The following RIMS1 variants were observed in gnomAD, a reference collection of about 807,000 sequenced individuals.
The protein encoded by RIMS1 is regulating synaptic membrane exocytosis protein 1.
A neutral mutation model predicts 214.1 loss-of-function variants in RIMS1; 83 were observed. The ratio of observed to expected loss-of-function variants is 0.39; its 90% CI spans 0.32 to 0.47. RIMS1 has a LOEUF of 0.47. Ranked by LOEUF, RIMS1 falls within the 20% of genes least tolerant of loss-of-function variation. The probability of loss-of-function intolerance (pLI) is 0.99; values close to 1 mark genes in which losing one functional copy is unlikely to be tolerated. For synonymous variants in RIMS1, 793 were observed against 786.8 expected, an observed-to-expected ratio of 1.01 and a Z score of -0.13; for missense variants, 2,050 against 2,161.8, an observed-to-expected ratio of 0.95 and a Z score of 1.03.
chr6:71,904,439 C>T (rs1319723206), intron 1 of RIMS1, among the ~76,000 whole-genome samples: 1 of 152,128 alleles, frequency 6.6e-6, no homozygotes. Context: ...TGACCAGTCA[C>T]TGGATTTAGG....
intron 27 of RIMS1, among the ~76,000 whole-genome samples, chr6:72,308,498 A>C (rs934954536): frequency 6.6e-6 from 1 of 152,182 alleles, no homozygotes; most frequent in Non-Finnish European, 1.5e-5. Flanking sequence ...ATTAGCTTGA[A>C]ATATGGACCT....
intron 2 of RIMS1, among the ~76,000 whole-genome samples, chr6:72,059,146 A>G (rs1156861073): frequency 1.3e-5 from 2 of 152,226 alleles, no homozygotes; most frequent in Non-Finnish European, 1.5e-5. Flanking sequence ...TAACAATGAC[A>G]TGGTTCTATC....
chr6:72,251,167 T>A (rs778942740), intron 14 of RIMS1, 48 bp from the exon 15 acceptor site: 28 of 1,561,992 alleles, frequency 1.8e-5, no homozygotes, highest in Non-Finnish European at 2.4e-5. Flanking sequence ...ACTATTACAT[T>A]ATGTTTTGAT....
At chr6:72,005,848 G>A (rs1441996235) in intron 2 of RIMS1, among the ~76,000 whole-genome samples, 1 of 152,218 alleles carries the variant, frequency 6.6e-6, no homozygotes, top group Non-Finnish European at 1.5e-5. Context: ...CCAAGTAAAT[G>A]AGATATTTAC....
chr6:71,989,971 C>T (rs1247401721), intron 2 of RIMS1, among the ~76,000 whole-genome samples: 1 of 152,156 alleles, frequency 6.6e-6, no homozygotes, highest in African/African-American at 2.4e-5. Flanking sequence ...ACACCCACGT[C>T]CCAGCTTCTC....
At chr6:72,382,263 G>T (rs2098503427) in intron 29 of RIMS1, among the ~76,000 whole-genome samples, 1 of 152,072 alleles carries the variant, frequency 6.6e-6, no homozygotes, top group South Asian at 2.1e-4. Context: ...GTACTTATCT[G>T]GCTTAGGATA....
At chr6:72,008,794 T>C (rs1043913193) in intron 2 of RIMS1, among the ~76,000 whole-genome samples, 17 of 152,180 alleles carry the variant, frequency 1.1e-4, no homozygotes, top group Admixed American at 2.6e-4. Flanking sequence ...TATATATGCA[T>C]GCAATACAGG....
chr6:72,401,277 T>G lies in RIMS1; in HGVS notation c.*563T>G, dbSNP rs1203061394. On this transcript the variant is annotated 3_prime_UTR_variant, in exon 34 of 34. Coordinates refer to ENST00000521978, the MANE Select transcript of RIMS1 (RefSeq NM_014989.7). ...CATGATGCTAACAGAGATTCTTCCC[T>G]TCTTTTTTCCAAAAGCACCAAAAAA... 6.5e-6 allele frequency: 1 copy of G among 152,856 alleles called. No individual in the cohort carries two copies. Among genetic ancestry groups the G allele is most frequent in the African/African-American group, 2.4e-5 (1 of 41,440 alleles). 9.5% of individuals were successfully genotyped at this position (152,856 alleles called of 1,614,324 possible). A position where few individuals can be genotyped will look rare whatever the true frequency, so the allele number is the denominator to read the frequency against.
At chr6:72,197,351 C>T (rs771784084) in intron 6 of RIMS1, among the ~76,000 whole-genome samples, 50 of 151,966 alleles carry the variant, frequency 3.3e-4, no homozygotes, top group Non-Finnish European at 5.9e-4. Flanking sequence ...CCACGATAAA[C>T]CAAGACACAT....
At chr6:72,356,176 A>G (rs927323029) in intron 29 of RIMS1, among the ~76,000 whole-genome samples, 2 of 152,210 alleles carry the variant, frequency 1.3e-5, no homozygotes, top group African/African-American at 2.4e-5. Context: ...TCTTTAGAAC[A>G]TAATTATTTC....
intron 2 of RIMS1, among the ~76,000 whole-genome samples, chr6:72,096,735 T>C (rs2031861186): frequency 6.6e-6 from 1 of 152,130 alleles, no homozygotes; most frequent in Non-Finnish European, 1.5e-5. Context: ...ATACACATAG[T>C]TCAGTGCTAA....
chr6:72,266,058 TAAAG>T lies in RIMS1; in HGVS notation c.3398+11_3398+14del, dbSNP rs2080383985. ...TCACCAGAACGAGAAAGGTATAAAA[TAAAG>T]ACTTTCTTAATTTCTTATCATTTGT... On this transcript the variant is annotated intron_variant, in intron 22 of 33. Transcript: ENST00000521978. 6.5e-7 allele frequency: 1 copy of T among 1,549,136 alleles called. No individual in the cohort carries two copies. The highest frequency in any genetic ancestry group is 1.2e-5 in the South Asian group (1 of 84,436).
intron 2 of RIMS1, among the ~76,000 whole-genome samples, chr6:72,007,719 T>A (rs1808370145): frequency 6.6e-6 from 1 of 152,170 alleles, no homozygotes; most frequent in South Asian, 2.1e-4. Flanking sequence ...GAAGAAAAGG[T>A]ATCGGTGATG....
In RIMS1 at chr6:72,313,515, C is replaced by T. The variant is rs1385253451; in HGVS notation, c.3973C>T (p.His1325Tyr). The T allele has an allele frequency of 1.9e-6, 3 of 1,612,548 alleles. No individual in the cohort carries two copies. The Admixed American group carries it at 5.0e-5, about 27-fold the overall frequency. The change falls in exon 28 of 34, where the codon CAT becomes TAT. Residue 1325 changes from histidine to tyrosine, a missense_variant. By Grantham distance (83) the His-to-Tyr change is moderately conservative. Transcript: ENST00000521978. ...DREQYSKYNI[H>Y]KDQYRSCDNV... ...TGTTTTTAATCTTTAGTATAACATA[C>T]ATAAAGATCAGTACAGAAGCTGTGA...
At chr6:72,192,020 A>G (rs1196559691) in intron 6 of RIMS1, among the ~76,000 whole-genome samples, 2 of 152,158 alleles carry the variant, frequency 1.3e-5, no homozygotes, top group Non-Finnish European at 2.9e-5. Context: ...TCCTACCATA[A>G]TAGTCCTCAC....
At chr6:72,045,287 G>A (rs911412227) in intron 2 of RIMS1, among the ~76,000 whole-genome samples, 4 of 151,826 alleles carry the variant, frequency 2.6e-5, no homozygotes, top group African/African-American at 9.6e-5. Context: ...AAAATATGAT[G>A]AGTCGTATTA....
chr6:71,968,564 G>A (rs1197753392), intron 1 of RIMS1, among the ~76,000 whole-genome samples: 1 of 152,156 alleles, frequency 6.6e-6, no homozygotes, highest in African/African-American at 2.4e-5. Flanking sequence ...TGGTGTGAAA[G>A]AAAAGTCTGT....
intron 22 of RIMS1, among the ~76,000 whole-genome samples, chr6:72,270,373 T>A (rs1298616246): frequency 1.3e-5 from 2 of 152,344 alleles, no homozygotes; most frequent in East Asian, 3.9e-4. Flanking sequence ...TGGTTTTTAA[T>A]GTTATAATTT....
intron 1 of RIMS1, among the ~76,000 whole-genome samples, chr6:71,936,414 A>G (rs1784489846): frequency 6.6e-6 from 1 of 151,952 alleles, no homozygotes; most frequent in African/African-American, 2.4e-5. Context: ...AGTACGAGTA[A>G]AAGGGTTCTG....
Sources: allele counts gnomAD v4.1 joint callset (sites outside exome capture counted in the v4.1 genomes callset), GRCh38; gene constraint gnomAD v4.1.1; transcripts MANE v1.5; gene names NCBI Gene and HGNC (gene_info 2026-07-23, HGNC 2026-07-21).